Variants in UBR3 observed in about 807,000 individuals in gnomAD.
UBR3 encodes the protein E3 ubiquitin-protein ligase UBR3.
Under a neutral mutation model 243.2 loss-of-function variants are expected in UBR3, and 85 were observed. The observed-to-expected ratio is 0.35, with a 90% CI of 0.29 to 0.42. The LOEUF (loss-of-function observed/expected upper bound fraction) is 0.42. Ranked by LOEUF, UBR3 falls within the 10% of genes least tolerant of loss-of-function variation. The pLI is 1.00. For missense variants in UBR3, 1,686 were observed against 2,300.8 expected (o/e 0.73, Z 5.47); for synonymous variants, 748 against 799.8 (o/e 0.94, Z 1.09).
intron 24 of UBR3, among the ~76,000 whole-genome samples, chr2:169,966,229 T>C (rs534497168): frequency 2.0e-5 from 3 of 152,320 alleles, no homozygotes; most frequent in African/African-American, 7.2e-5. Flanking sequence ...TGTTAGATTA[T>C]AACCTTGATC....
chr2:170,064,506 T>C (rs1380707919), intron 35 of UBR3, among the ~76,000 whole-genome samples: 1 of 152,064 alleles, frequency 6.6e-6, no homozygotes, highest in Non-Finnish European at 1.5e-5. Flanking sequence ...ACATTTAGAT[T>C]TTTAATTCAG....
intron 35 of UBR3, among the ~76,000 whole-genome samples, chr2:170,069,163 C>T (rs2091643344): frequency 6.6e-6 from 1 of 151,926 alleles, no homozygotes; most frequent in Non-Finnish European, 1.5e-5. Flanking sequence ...TTGAATGAGG[C>T]ATTATGAAAA....
chr2:170,068,297 C>T (rs35088521), intron 35 of UBR3, among the ~76,000 whole-genome samples: 15,952 of 151,824 alleles, frequency 0.11, 1,114 homozygotes, highest in Admixed American at 0.18. Context: ...GGTAAAACCC[C>T]GTCTCTACTA....
intron 1 of UBR3, among the ~76,000 whole-genome samples, chr2:169,867,280 G>A (rs778907563): frequency 2.6e-5 from 4 of 151,996 alleles, no homozygotes; most frequent in Non-Finnish European, 5.9e-5. Context: ...CTCCAAAATA[G>A]TATTTATAGA....
At chr2:170,012,672 G>GTTTT (rs150182050) in intron 29 of UBR3, among the ~76,000 whole-genome samples, 2 of 68,944 alleles carry the variant, frequency 2.9e-5, no homozygotes, top group East Asian at 3.1e-4. Flanking sequence ...TGAAGATACT[G>GTTTT]GTTTTTTTTT....
intron 22 of UBR3, among the ~76,000 whole-genome samples, chr2:169,948,754 A>G (rs1045119464): frequency 6.6e-6 from 1 of 152,028 alleles, no homozygotes; most frequent in Non-Finnish European, 1.5e-5. Context: ...CTCAACTGAT[A>G]TTACAGCATC....
At chr2:170,038,778 A>G (rs1220158612) in intron 31 of UBR3, among the ~76,000 whole-genome samples, 1 of 152,144 alleles carries the variant, frequency 6.6e-6, no homozygotes, top group Non-Finnish European at 1.5e-5. Context: ...AATAAGCCAC[A>G]TCAGAACTTA....
At chr2:169,931,458 A>C (rs1042210994) in intron 18 of UBR3, among the ~76,000 whole-genome samples, 1 of 152,000 alleles carries the variant, frequency 6.6e-6, no homozygotes, top group African/African-American at 2.4e-5. Flanking sequence ...CTGATACTTT[A>C]AGATGAATAG....
intron 33 of UBR3, among the ~76,000 whole-genome samples, chr2:170,055,995 TTTTC>T (rs1302209605): frequency 7.3e-6 from 1 of 137,804 alleles, no homozygotes; most frequent in Non-Finnish European, 1.5e-5. Context: ...AATCCTAGTC[TTTTC>T]TTTCTTTTTT....
intron 27 of UBR3, among the ~76,000 whole-genome samples, chr2:170,005,375 GACA>G (rs1457100871): frequency 6.6e-6 from 1 of 152,184 alleles, no homozygotes; most frequent in East Asian, 1.9e-4. Flanking sequence ...ATTTTTCTCT[GACA>G]ACACTCAGTT....
intron 5 of UBR3, 51 bp downstream of exon 5, chr2:169,878,625 T>A (rs1371352022): frequency 6.3e-6 from 9 of 1,421,200 alleles, no homozygotes; most frequent in Non-Finnish European, 7.7e-6. Context: ...TGTGCTTTTT[T>A]ATACTTTTTT....
chr2:169,937,433 A>G (rs952693476), intron 19 of UBR3, among the ~76,000 whole-genome samples: 1 of 152,164 alleles, frequency 6.6e-6, no homozygotes, highest in Admixed American at 6.5e-5. Context: ...GTAGATTGCA[A>G]AAATTTTCTC....
chr2:169,833,547 T>G (rs1239713425), intron 1 of UBR3, among the ~76,000 whole-genome samples: 2 of 152,192 alleles, frequency 1.3e-5, no homozygotes, highest in Non-Finnish European at 2.9e-5. Flanking sequence ...TTACATTGCT[T>G]TAGTTACTCA....
intron 30 of UBR3, among the ~76,000 whole-genome samples, chr2:170,023,413 T>TC (rs577698170): frequency 0.29 from 7,826 of 26,842 alleles, 412 homozygotes; most frequent in African/African-American, 0.4. Flanking sequence ...TTATGAAAAT[T>TC]TTTTTTTTTT....
intron 24 of UBR3, among the ~76,000 whole-genome samples, chr2:169,977,339 A>G (rs1179339851): frequency 6.6e-6 from 1 of 152,140 alleles, no homozygotes; most frequent in Non-Finnish European, 1.5e-5. Flanking sequence ...TTTACTGGGG[A>G]GAATTGGCTT....
intron 1 of UBR3, among the ~76,000 whole-genome samples, chr2:169,852,385 G>GC (rs935724392): frequency 5.3e-5 from 8 of 152,296 alleles, no homozygotes; most frequent in African/African-American, 1.4e-4. Flanking sequence ...GCAAACTATT[G>GC]CCCAAGGGTT....
At chr2:170,080,707 C>G in intron 38 of UBR3, 23 bp downstream of exon 38, 1 of 1,601,192 alleles carries the variant, frequency 6.2e-7, no homozygotes, top group Non-Finnish European at 8.5e-7. Context: ...TGGATATATC[C>G]AGGTGTTTTA....
chr2:169,897,936 A>G (rs952604987), intron 8 of UBR3, among the ~76,000 whole-genome samples: 1 of 152,176 alleles, frequency 6.6e-6, no homozygotes, highest in Non-Finnish European at 1.5e-5. Flanking sequence ...AGATGAGTAC[A>G]TTGAGGCTTA....
chr2:169,949,967 C>T lies in UBR3; in HGVS notation c.3447C>T (p.Asn1149=). ...AAGCTGCATCGCAAAGTAGAATGAACAAACGCATCATTGAAGAGATATGTA... is the reference window on the plus strand; with the variant it reads ...AAGCTGCATCGCAAAGTAGAATGAATAAACGCATCATTGAAGAGATATGTA... ...LLKAASQSRM[N]KRIIEEICRK... is the part of the protein sequence containing the mutation. The change falls in exon 23 of 39, where the codon AAC becomes AAT. Residue 1149 remains asparagine (N), a synonymous_variant. Coordinates refer to ENST00000272793, the MANE Select transcript of UBR3 (RefSeq NM_172070.4). 6.2e-7 allele frequency: 1 copy of T among 1,613,782 alleles called. No individual in the cohort carries two copies. Among genetic ancestry groups the T allele is most frequent in the Non-Finnish European group, 8.5e-7 (1 of 1,179,774 alleles).
Sources: allele counts gnomAD v4.1 joint callset (sites outside exome capture counted in the v4.1 genomes callset), GRCh38; gene constraint gnomAD v4.1.1; transcripts MANE v1.5; gene names NCBI Gene and HGNC (gene_info 2026-07-23, HGNC 2026-07-21).